The following ARHGAP15 variants were observed in gnomAD, a reference collection of about 807,000 sequenced individuals.
ARHGAP15 encodes the protein rho GTPase-activating protein 15.
In ARHGAP15, 51 loss-of-function variants were observed where a neutral mutation model predicts 63.7. The observed-to-expected ratio is 0.80, with a 90% CI of 0.64 to 1.01. The LOEUF (loss-of-function observed/expected upper bound fraction) is 1.01. Ranked by LOEUF, ARHGAP15 falls within the 50% of genes least tolerant of loss-of-function variation. ARHGAP15 has a pLI of 0.00. For missense variants in ARHGAP15, 560 were observed against 564.6 expected, an observed-to-expected ratio of 0.99 and a Z score of 0.08; for synonymous variants, 191 against 193.8, an observed-to-expected ratio of 0.99 and a Z score of 0.12.
At chr2:143,372,349 T>TAAAAAAA (rs35140789) in intron 6 of ARHGAP15, among the ~76,000 whole-genome samples, 1 of 114,200 alleles carries the variant, frequency 8.8e-6, no homozygotes, top group African/African-American at 3.3e-5. Flanking sequence ...GTAGTCGATT[T>TAAAAAAA]AAAAAAAAAA....
chr2:143,225,350 C>T (rs539960792), intron 4 of ARHGAP15, among the ~76,000 whole-genome samples: 15 of 152,172 alleles, frequency 9.9e-5, no homozygotes, highest in South Asian at 2.1e-4. Flanking sequence ...TCCTGTAATC[C>T]CAGCACTTTG....
chr2:143,533,313 C>T (rs893810478), intron 10 of ARHGAP15: 3 of 152,130 alleles, frequency 2.0e-5, no homozygotes, highest in Non-Finnish European at 4.4e-5. Context: ...ACGTGTGAAC[C>T]TGTTCATTTA....
intron 11 of ARHGAP15, among the ~76,000 whole-genome samples, chr2:143,559,475 A>G (rs1347170542): frequency 6.6e-6 from 1 of 152,220 alleles, no homozygotes; most frequent in Non-Finnish European, 1.5e-5. Flanking sequence ...AACATACTCA[A>G]CACAAATTAT....
intron 12 of ARHGAP15, among the ~76,000 whole-genome samples, chr2:143,634,328 G>C (rs548827025): frequency 6.6e-6 from 1 of 152,046 alleles, no homozygotes; most frequent in Non-Finnish European, 1.5e-5. Context: ...ACCACCACCT[G>C]TATTCAAATC....
intron 6 of ARHGAP15, among the ~76,000 whole-genome samples, chr2:143,419,963 T>A (rs1688849761): frequency 6.6e-6 from 1 of 152,166 alleles, no homozygotes; most frequent in Admixed American, 6.6e-5. Flanking sequence ...AGGAATAACT[T>A]AATTAAAATT....
intron 4 of ARHGAP15, among the ~76,000 whole-genome samples, chr2:143,225,301 G>A (rs895271129): frequency 6.6e-6 from 1 of 151,804 alleles, no homozygotes; most frequent in South Asian, 2.1e-4. Context: ...AAAAAAATTT[G>A]GATTTAAAAA....
At chr2:143,360,178 G>A (rs1182934996) in intron 6 of ARHGAP15, among the ~76,000 whole-genome samples, 1 of 150,766 alleles carries the variant, frequency 6.6e-6, no homozygotes, top group Non-Finnish European at 1.5e-5. Flanking sequence ...CTGGAGTTAG[G>A]AACCAGCCTG....
chr2:143,274,678 A>G (rs897382077), intron 6 of ARHGAP15, among the ~76,000 whole-genome samples: 5 of 152,240 alleles, frequency 3.3e-5, no homozygotes, highest in African/African-American at 1.2e-4. Context: ...GGGTCACAAG[A>G]CAACACATCG....
chr2:143,575,214 G>C (rs1696630783), intron 11 of ARHGAP15, among the ~76,000 whole-genome samples: 1 of 152,116 alleles, frequency 6.6e-6, no homozygotes, highest in Non-Finnish European at 1.5e-5. Flanking sequence ...ACACACATAT[G>C]TGTACACTTT....
intron 12 of ARHGAP15, among the ~76,000 whole-genome samples, chr2:143,673,340 C>G (rs964112909): frequency 2.0e-5 from 3 of 152,220 alleles, no homozygotes; most frequent in African/African-American, 7.2e-5. Flanking sequence ...CTCTGTCACC[C>G]AGGCTAGAGT....
chr2:143,364,178 G>C (rs1452327019), intron 6 of ARHGAP15, among the ~76,000 whole-genome samples: 1 of 149,844 alleles, frequency 6.7e-6, no homozygotes, highest in Non-Finnish European at 1.5e-5. Flanking sequence ...AGAGGAAACA[G>C]TAGCAAAAAA....
chr2:143,294,942 T>C (rs143596954), intron 6 of ARHGAP15, among the ~76,000 whole-genome samples: 69 of 152,222 alleles, frequency 4.5e-4, no homozygotes, highest in African/African-American at 1.6e-3. Flanking sequence ...CCAGTGTTTA[T>C]TGAGCATTCG....
intron 6 of ARHGAP15, among the ~76,000 whole-genome samples, chr2:143,400,888 T>G (rs1026510367): frequency 6.6e-6 from 1 of 152,036 alleles, no homozygotes; most frequent in Non-Finnish European, 1.5e-5. Context: ...TTGAGTACAT[T>G]TCAGTGTAGA....
At chr2:143,191,196 A>G (rs576301404) in intron 2 of ARHGAP15, among the ~76,000 whole-genome samples, 2 of 152,236 alleles carry the variant, frequency 1.3e-5, no homozygotes, top group Non-Finnish European at 2.9e-5. Context: ...ACTAGTATCC[A>G]AAGTATGATC....
intron 2 of ARHGAP15, among the ~76,000 whole-genome samples, chr2:143,198,624 C>G (rs1458163529): frequency 6.6e-6 from 1 of 151,926 alleles, no homozygotes; most frequent in African/African-American, 2.4e-5. Context: ...ATATGTACAC[C>G]ACACATTTCC....
At chr2:143,743,960 A>G (rs1428283206) in intron 13 of ARHGAP15, among the ~76,000 whole-genome samples, 1 of 152,224 alleles carries the variant, frequency 6.6e-6, no homozygotes, top group Non-Finnish European at 1.5e-5. Flanking sequence ...CATAAAGGAC[A>G]ATATTTTAAA....
intron 12 of ARHGAP15, among the ~76,000 whole-genome samples, chr2:143,703,108 A>G (rs1453528801): frequency 1.3e-5 from 2 of 152,230 alleles, no homozygotes; most frequent in South Asian, 2.1e-4. Flanking sequence ...TGTTGCTTTC[A>G]TGTTAAGATT....
At chr2:143,748,342 T>C (rs1354543178) in intron 13 of ARHGAP15, among the ~76,000 whole-genome samples, 1 of 152,236 alleles carries the variant, frequency 6.6e-6, no homozygotes, top group East Asian at 1.9e-4. Flanking sequence ...CTGGCCCACC[T>C]ATGTCTTTGT....
chr2:143,301,899 TAGAG>T (rs1682919942), intron 6 of ARHGAP15, among the ~76,000 whole-genome samples: 1 of 151,704 alleles, frequency 6.6e-6, no homozygotes, highest in Non-Finnish European at 1.5e-5. Context: ...GATAGAGACA[TAGAG>T]ATAGAATCAA....
Sources: allele counts gnomAD v4.1 joint callset (sites outside exome capture counted in the v4.1 genomes callset), GRCh38; gene constraint gnomAD v4.1.1; transcripts MANE v1.5; gene names NCBI Gene and HGNC (gene_info 2026-07-23, HGNC 2026-07-21).